The following CAST variants were observed in gnomAD, a reference collection of about 807,000 sequenced individuals.
CAST encodes the protein calpastatin, also known as MIR583 host.
Under a neutral mutation model 119.6 loss-of-function variants are expected in CAST, and 76 were observed. The observed-to-expected ratio is 0.64, with a 90% CI of 0.53 to 0.77. The LOEUF is 0.77. Ranked by LOEUF, CAST falls within the 30% of genes least tolerant of loss-of-function variation. The pLI is 0.00. For missense variants in CAST, 953 were observed against 946.5 expected (o/e 1.01, Z -0.09); for synonymous variants, 319 against 331.6 (o/e 0.96, Z 0.41).
the CAST span, among the ~76,000 whole-genome samples, chr5:96,386,473 C>A: frequency 6.6e-6 from 1 of 152,324 alleles, no homozygotes; most frequent in East Asian, 1.9e-4. Flanking sequence ...GCCACATAAT[C>A]TTAGCCAGAG....
the CAST span, among the ~76,000 whole-genome samples, chr5:96,209,604 AT>A: frequency 6.6e-6 from 1 of 151,714 alleles, no homozygotes; most frequent in East Asian, 1.9e-4. Flanking sequence ...GAAATTTTTT[AT>A]TGGAGTTTCT....
the CAST span, among the ~76,000 whole-genome samples, chr5:96,045,306 T>C: frequency 6.7e-6 from 1 of 149,110 alleles, no homozygotes; most frequent in Admixed American, 6.8e-5. Flanking sequence ...TGAGCTGAGA[T>C]GGCGCCATTG....
chr5:96,408,243 G>T, the CAST span: 5 of 1,613,846 alleles, frequency 3.1e-6, no homozygotes, highest in South Asian at 5.5e-5. Context: ...GGGCCAGAGC[G>T]AAGATGCCAG....
At chr5:96,605,114 A>G (rs1305411367) in intron 1 of CAST, among the ~76,000 whole-genome samples, 1 of 152,208 alleles carries the variant, frequency 6.6e-6, no homozygotes, top group Non-Finnish European at 1.5e-5. Context: ...TGATGATGCC[A>G]CACACTGAAA....
chr5:96,498,476 G>C, the CAST span, among the ~76,000 whole-genome samples: 77 of 152,308 alleles, frequency 5.1e-4, 1 homozygote, highest in African/African-American at 1.8e-3. Context: ...CCTTTGAAAG[G>C]ATAAACCTCA....
the CAST span, among the ~76,000 whole-genome samples, chr5:96,273,562 A>T: frequency 1.3e-5 from 2 of 152,310 alleles, no homozygotes; most frequent in South Asian, 4.2e-4. Context: ...TTCCTTGTTG[A>T]AGAAAAAGGT....
the CAST span, among the ~76,000 whole-genome samples, chr5:96,436,129 A>T: frequency 6.6e-6 from 1 of 152,244 alleles, no homozygotes; most frequent in Non-Finnish European, 1.5e-5. Context: ...GCTATGGGTA[A>T]CATTAACTGC....
At chr5:96,524,914 G>A (rs982822355), upstream of CAST, among the ~76,000 whole-genome samples, 9 of 152,192 alleles carry the variant, frequency 5.9e-5, no homozygotes, top group Non-Finnish European at 1.2e-4. Context: ...TTAACCTTGT[G>A]AAATGTTCTT....
At chr5:96,640,693 T>C (rs559660869) in intron 1 of CAST, among the ~76,000 whole-genome samples, 102 of 152,292 alleles carry the variant, frequency 6.7e-4, no homozygotes, top group African/African-American at 2.4e-3. Context: ...GTTATGGAGA[T>C]GGAATGCCCT....
At chr5:96,717,638 G>C (rs1757418336) in intron 3 of CAST, among the ~76,000 whole-genome samples, 2 of 152,202 alleles carry the variant, frequency 1.3e-5, no homozygotes, top group African/African-American at 2.4e-5. Flanking sequence ...TTAAATGGCA[G>C]CTGGATTCCA....
At chr5:96,292,341 G>A in the CAST span, among the ~76,000 whole-genome samples, 3 of 152,138 alleles carry the variant, frequency 2.0e-5, no homozygotes, top group African/African-American at 4.8e-5. Flanking sequence ...GTTGTATAAC[G>A]TAAATATGTT....
At chr5:96,100,318 C>A in the CAST span, among the ~76,000 whole-genome samples, 2 of 152,022 alleles carry the variant, frequency 1.3e-5, no homozygotes, top group South Asian at 2.1e-4. Context: ...CTGTTGGAGC[C>A]TCTCCTTCCT....
At chr5:96,312,070 G>C in the CAST span, among the ~76,000 whole-genome samples, 1 of 150,936 alleles carries the variant, frequency 6.6e-6, no homozygotes, top group Non-Finnish European at 1.5e-5. Context: ...TTTTATTTTT[G>C]TTTTGTTTGT....
At chr5:96,591,378 T>C (rs1746958925) in intron 1 of CAST, among the ~76,000 whole-genome samples, 1 of 152,172 alleles carries the variant, frequency 6.6e-6, no homozygotes, top group Admixed American at 6.5e-5. Flanking sequence ...TTCAACATCT[T>C]TCTGTATAAG....
intron 1 of CAST, among the ~76,000 whole-genome samples, chr5:96,597,367 A>G (rs185499455): frequency 6.6e-6 from 1 of 152,342 alleles, no homozygotes; most frequent in Non-Finnish European, 1.5e-5. Flanking sequence ...TAGAAAGTAC[A>G]ATGGAGAAAA....
At chr5:96,265,216 G>A in the CAST span, among the ~76,000 whole-genome samples, 2 of 152,116 alleles carry the variant, frequency 1.3e-5, no homozygotes, top group African/African-American at 2.4e-5. Context: ...TGGTATAAGT[G>A]GGTGTGTTAG....
intron 1 of CAST, among the ~76,000 whole-genome samples, chr5:96,609,630 C>T (rs73134511): frequency 0.091 from 13,773 of 152,120 alleles, 765 homozygotes; most frequent in African/African-American, 0.16. Context: ...CTTCCAGAAA[C>T]CTCTTTGATT....
chr5:96,043,819 C>T, the CAST span, among the ~76,000 whole-genome samples: 2 of 152,188 alleles, frequency 1.3e-5, no homozygotes, highest in East Asian at 1.9e-4. Context: ...CCTTTAGGGG[C>T]TGAGGCTGGA....
At chr5:96,494,941 C>T in the CAST span, among the ~76,000 whole-genome samples, 1 of 151,872 alleles carries the variant, frequency 6.6e-6, no homozygotes. Flanking sequence ...CACAGTGAAA[C>T]CCCGTCTCTA....
Sources: gnomAD v4.1 joint callset for allele counts (sites outside exome capture counted in the v4.1 genomes callset) on GRCh38, gnomAD v4.1.1 for gene constraint, MANE v1.5 for transcripts, NCBI Gene and HGNC (gene_info 2026-07-23, HGNC 2026-07-21) for gene names.